PCDH15: variants seen among roughly 807,000 people sequenced by gnomAD.
PCDH15 encodes protocadherin-15.
A neutral mutation model predicts 178.5 loss-of-function variants in PCDH15; 129 were observed. The ratio of observed to expected loss-of-function variants is 0.72; its 90% CI spans 0.63 to 0.84. The LOEUF is 0.84. Among genes scored for constraint, PCDH15 ranks in the 40% least tolerant of loss-of-function variants. The probability of loss-of-function intolerance (pLI) is 0.00; values close to 1 mark genes in which losing one functional copy is unlikely to be tolerated. For synonymous variants in PCDH15, 800 were observed against 732.0 expected, an observed-to-expected ratio of 1.09 and a Z score of -1.50; for missense variants, 2,230 against 2,099.9, an observed-to-expected ratio of 1.06 and a Z score of -1.21.
chr10:54,578,116 TA>T (rs2090692382), intron 2 of PCDH15, among the ~76,000 whole-genome samples: 1 of 152,152 alleles, frequency 6.6e-6, no homozygotes, highest in African/African-American at 2.4e-5. Context: ...TGTAGTGTTT[TA>T]AAATGTTGAT....
rs115490236 is a variant in PCDH15 at position 53,946,565 on chromosome 10, T to C, written c.3123-5590A>G. Among the ~76,000 whole-genome samples the C allele has an allele frequency of 3.7e-3, 570 of 152,336 alleles. 1 individual carries two copies. Among genetic ancestry groups the C allele is most frequent in the African/African-American group, 0.013 (557 of 41,570 alleles). On this transcript the variant is annotated intron_variant, in intron 23 of 37. Coordinates refer to ENST00000644397, the MANE Select transcript of PCDH15 (RefSeq NM_001384140.1). ...CTATGTCTTTTTGTATTGTGATATC[T>C]CATTTCACTTTATTGCTGAATAATA...
intron 1 of PCDH15, among the ~76,000 whole-genome samples, chr10:54,795,589 A>G (rs1951873211): frequency 6.6e-6 from 1 of 151,914 alleles, no homozygotes; most frequent in African/African-American, 2.4e-5. Flanking sequence ...TTGAGTACTT[A>G]CCAAATTTTG....
intron 2 of PCDH15, among the ~76,000 whole-genome samples, chr10:54,529,388 G>A (rs1589917650): frequency 6.6e-6 from 1 of 151,934 alleles, no homozygotes; most frequent in African/African-American, 2.4e-5. Flanking sequence ...CAGAAGTCTT[G>A]TTCTCATCCT....
intron 2 of PCDH15, among the ~76,000 whole-genome samples, chr10:55,067,639 T>TC (rs1203495791): frequency 6.7e-6 from 1 of 149,896 alleles, no homozygotes; most frequent in Non-Finnish European, 1.5e-5. Flanking sequence ...ATAGTTCTAT[T>TC]TTTTTTTTTT....
At chr10:55,057,803 A>G (rs1202128317) in intron 2 of PCDH15, among the ~76,000 whole-genome samples, 1 of 152,166 alleles carries the variant, frequency 6.6e-6, no homozygotes, top group African/African-American at 2.4e-5. Flanking sequence ...CATTCACGAG[A>G]TTCTACTTAT....
At chr10:55,062,186 T>C (rs572282655) in intron 2 of PCDH15, among the ~76,000 whole-genome samples, 1 of 152,314 alleles carries the variant, frequency 6.6e-6, no homozygotes, top group East Asian at 1.9e-4. Flanking sequence ...AGGTCATGAG[T>C]GGAGCTCTCA....
At chr10:53,961,488 T>C (rs1027530777) in intron 22 of PCDH15, among the ~76,000 whole-genome samples, 18 of 152,066 alleles carry the variant, frequency 1.2e-4, no homozygotes, top group African/African-American at 4.1e-4. Flanking sequence ...TTTGAAAACA[T>C]ATATTTATAT....
chr10:54,142,506 T>C (rs919689595), intron 14 of PCDH15, among the ~76,000 whole-genome samples: 2 of 152,084 alleles, frequency 1.3e-5, no homozygotes, highest in African/African-American at 2.4e-5. Context: ...AGGGACAATT[T>C]TGAGGGACAA....
chr10:54,710,269 G>A (rs2132346756), intron 1 of PCDH15, among the ~76,000 whole-genome samples: 1 of 151,960 alleles, frequency 6.6e-6, no homozygotes, highest in South Asian at 2.1e-4. Context: ...TTTTCCTAGT[G>A]ACAAAAGCTT....
intron 31 of PCDH15, among the ~76,000 whole-genome samples, chr10:53,828,359 A>T (rs571994164): frequency 2.4e-4 from 36 of 152,138 alleles, no homozygotes; most frequent in Non-Finnish European, 4.6e-4. Flanking sequence ...CTATAGGCAA[A>T]CTATCTTTTT....
At chr10:54,716,459 T>G (rs151295207) in intron 1 of PCDH15, among the ~76,000 whole-genome samples, 18,497 of 152,100 alleles carry the variant, frequency 0.12, 1,249 homozygotes, top group African/African-American at 0.17. Flanking sequence ...GTAGTTCTCC[T>G]TGAAGAGGTC....
intron 1 of PCDH15, among the ~76,000 whole-genome samples, chr10:54,696,456 A>G (rs575895103): frequency 6.6e-6 from 1 of 152,294 alleles, no homozygotes; most frequent in South Asian, 2.1e-4. Context: ...TGAAATGACA[A>G]CAAAGAATTT....
rs35626392 is a variant in PCDH15 at position 54,375,880 on chromosome 10, A to AAT, written c.318+2900_318+2901dup. ...AAATAAAAATATATTTTTGAAACGG[A>AAT]ATATATATATATATATAATTTTTTT... On this transcript the variant is annotated intron_variant, in intron 4 of 37. Coordinates refer to ENST00000644397, the MANE Select transcript of PCDH15 (RefSeq NM_001384140.1). Among the ~76,000 whole-genome samples, 171 of 129,574 alleles carry AAT rather than the reference A, an allele frequency of 1.3e-3. 4 individuals carry two copies. Among genetic ancestry groups the AAT allele is most frequent in the African/African-American group, 3.9e-3 (128 of 32,968 alleles). The allele number at this position is 129,574 out of a possible 152,430, so 85.0% of individuals were successfully genotyped here.
intron 2 of PCDH15, among the ~76,000 whole-genome samples, chr10:55,605,411 T>C (rs1324153762): frequency 1.3e-3 from 194 of 150,764 alleles, no homozygotes; most frequent in Non-Finnish European, 2.4e-3. Context: ...CCAGCATCAT[T>C]CTGATACCAA....
chr10:55,273,989 C>A (rs1842518946), intron 1 of PCDH15, among the ~76,000 whole-genome samples: 1 of 152,088 alleles, frequency 6.6e-6, no homozygotes, highest in Non-Finnish European at 1.5e-5. Context: ...TGTGTATGTA[C>A]ACATGTATGT....
rs373683851 is a variant in PCDH15 at position 54,183,605 on chromosome 10, G to C, written c.1441-12C>G. 6 of 1,613,226 alleles carry C rather than the reference G, an allele frequency of 3.7e-6. No individual in the cohort carries two copies. Among genetic ancestry groups the C allele is most frequent in the Non-Finnish European group, 5.1e-6 (6 of 1,179,820 alleles). On this transcript the variant is annotated splice_polypyrimidine_tract_variant and intron_variant, in intron 12 of 37. Transcript: ENST00000644397. Reference sequence around the variant, plus strand: ...TCAAATGCTGTTATCTTTGGGAGGAGAAAAATACACTTAGTAGAGATGTTC... The same window carrying C: ...TCAAATGCTGTTATCTTTGGGAGGACAAAAATACACTTAGTAGAGATGTTC...
At chr10:54,120,244 C>T (rs76192624) in intron 15 of PCDH15, among the ~76,000 whole-genome samples, 1,994 of 152,228 alleles carry the variant, frequency 0.013, 20 homozygotes, top group Non-Finnish European at 0.021. Flanking sequence ...ACTAGAAAGC[C>T]TTCAAAGAAA....
intron 15 of PCDH15, among the ~76,000 whole-genome samples, chr10:54,110,360 T>C (rs933232618): frequency 1.3e-5 from 2 of 149,856 alleles, no homozygotes; most frequent in Non-Finnish European, 3.0e-5. Flanking sequence ...TGGGATCAGA[T>C]TGGAATTGAA....
chr10:54,647,652 C>T (rs899332633), intron 2 of PCDH15, among the ~76,000 whole-genome samples: 2 of 151,940 alleles, frequency 1.3e-5, no homozygotes, highest in Non-Finnish European at 2.9e-5. Context: ...CTTCTGTTTC[C>T]ACATCTGAAA....
Sources: allele counts gnomAD v4.1 joint callset (sites outside exome capture counted in the v4.1 genomes callset), GRCh38; gene constraint gnomAD v4.1.1; transcripts MANE v1.5; gene names NCBI Gene and HGNC (gene_info 2026-07-23, HGNC 2026-07-21).